ADAMTS14: variants seen among roughly 807,000 people sequenced by gnomAD.
ADAMTS14 encodes the protein ADAM metallopeptidase with thrombospondin type 1 motif 14, also known as A disintegrin and metalloproteinase with thrombospondin motifs 14.
ADAMTS14 carries 100 observed loss-of-function variants against 128.6 expected under a neutral mutation model. That is an observed-to-expected ratio of 0.78 (90% CI 0.66 to 0.92). The LOEUF (loss-of-function observed/expected upper bound fraction) is 0.92, where lower values mean the gene tolerates loss of function less well. Ranked by LOEUF, ADAMTS14 falls within the 40% of genes least tolerant of loss-of-function variation. The pLI, the probability that ADAMTS14 is intolerant of heterozygous loss-of-function variation, is 0.00. For synonymous variants in ADAMTS14, 665 were observed against 653.8 expected (o/e 1.02, Z -0.26); for missense variants, 1,562 against 1,658.6 (o/e 0.94, Z 1.01).
chr10:70,687,975 CGA>C (rs1486858384), intron 2 of ADAMTS14, among the ~76,000 whole-genome samples: 3 of 48,416 alleles, frequency 6.2e-5, no homozygotes, highest in Admixed American at 2.4e-4. Flanking sequence ...ACCCCCCCCC[CGA>C]CCTCCCTCCC....
intron 2 of ADAMTS14, among the ~76,000 whole-genome samples, chr10:70,689,538 G>T (rs1375986576): frequency 6.9e-6 from 1 of 145,356 alleles, no homozygotes; most frequent in Non-Finnish European, 1.6e-5. Context: ...TACAGAACGG[G>T]TCCTGTGTGG....
At chr10:70,714,324 T>C (rs1405061689) in intron 4 of ADAMTS14, among the ~76,000 whole-genome samples, 1 of 152,218 alleles carries the variant, frequency 6.6e-6, no homozygotes, top group South Asian at 2.1e-4. Context: ...GAGGTCTGAG[T>C]AGCCTCAATG....
At chr10:70,721,997 A>G (rs925910989) in intron 4 of ADAMTS14, among the ~76,000 whole-genome samples, 1 of 152,210 alleles carries the variant, frequency 6.6e-6, no homozygotes, top group African/African-American at 2.4e-5. Context: ...GACAACACCC[A>G]GGATTCACAT....
Position 70,761,035 on chromosome 10 carries a change from G to A in ADAMTS14, c.*182G>A, listed in dbSNP as rs2132768040. ...CAAAGCGGGGTGGGAGGAAGACAAAGATCAGGGAAAGCCCTAATCGGAGAT... is the reference window on the plus strand; with the variant it reads ...CAAAGCGGGGTGGGAGGAAGACAAAAATCAGGGAAAGCCCTAATCGGAGAT... On this transcript the variant is annotated 3_prime_UTR_variant, in exon 22 of 22. Transcript: ENST00000373207. 2 of 960,910 alleles carry A rather than the reference G, an allele frequency of 2.1e-6. No individual in the cohort carries two copies. Among genetic ancestry groups the A allele is most frequent in the Admixed American group, 6.3e-5 (2 of 31,712 alleles). 59.5% of individuals were successfully genotyped at this position (960,910 alleles called of 1,614,324 possible).
chr10:70,699,962 T>C (rs575181438), intron 2 of ADAMTS14, among the ~76,000 whole-genome samples: 1 of 152,144 alleles, frequency 6.6e-6, no homozygotes, highest in African/African-American at 2.4e-5. Context: ...CTCTGACTCA[T>C]GCTGTCTCCT....
chr10:70,760,516 C>A lies in ADAMTS14; in HGVS notation c.3335C>A (p.Pro1112His), dbSNP rs954192458. 7 of 1,613,816 alleles carry A rather than the reference C, an allele frequency of 4.3e-6. No individual in the cohort carries two copies. The highest frequency in any genetic ancestry group is 5.9e-6 in the Non-Finnish European group (7 of 1,179,926). The change falls in exon 22 of 22, where the codon CCC (proline) becomes CAC (histidine). Residue 1112 changes from proline (P) to histidine (H), a missense_variant. Coordinates refer to ENST00000373207, the MANE Select transcript of ADAMTS14 (RefSeq NM_080722.4). Reference protein sequence around the residue: ...PGPDPGPTSLPPFSTPGSPLP... With the variant: ...PGPDPGPTSLHPFSTPGSPLP... The stretch of plus-strand genomic sequence containing the variant: ...CCAGACCCTGGCCCAACCTCACTGC[C>A]CCCCTTCTCCACTCCTGGAAGCCCC...
chr10:70,749,634 TGTGC>T (rs1564556934), intron 15 of ADAMTS14, among the ~76,000 whole-genome samples, 184 bp from the exon 16 acceptor site: 1 of 126,424 alleles, frequency 7.9e-6, no homozygotes. Context: ...TGTGTGTGTG[TGTGC>T]GCGCACGTGG....
chr10:70,745,910 T>C (rs1003069576), intron 15 of ADAMTS14, among the ~76,000 whole-genome samples: 1 of 152,188 alleles, frequency 6.6e-6, no homozygotes, highest in Non-Finnish European at 1.5e-5. Context: ...GGCTGTGTCC[T>C]CAACAGGCTA....
chr10:70,760,512 C>T lies in ADAMTS14; in HGVS notation c.3331C>T (p.Leu1111=), dbSNP rs747934046. 1 of 1,613,918 alleles carries T rather than the reference C, an allele frequency of 6.2e-7. No homozygotes were observed. The highest frequency in any genetic ancestry group is 2.2e-5 in the East Asian group (1 of 44,884). The change falls in exon 22 of 22, where the codon CTG becomes TTG. Residue 1111 remains leucine, a synonymous_variant. Coordinates refer to ENST00000373207, the MANE Select transcript of ADAMTS14 (RefSeq NM_080722.4). ...NPGPDPGPTS[L]PPFSTPGSPL... Reference sequence around the variant, plus strand: ...TGGCCCAGACCCTGGCCCAACCTCACTGCCCCCCTTCTCCACTCCTGGAAG... The same window carrying T: ...TGGCCCAGACCCTGGCCCAACCTCATTGCCCCCCTTCTCCACTCCTGGAAG...
Position 70,761,114 on chromosome 10 carries a change from T to G in ADAMTS14, c.*261T>G. ...GACCCTCTCAGGGCCCCTGTTGGTC[T>G]CCCCTGCCAAGACCAGGGTCAACTA... is the stretch of plus-strand genomic sequence containing the variant. On this transcript the variant is annotated 3_prime_UTR_variant, in exon 22 of 22. Coordinates refer to ENST00000373207, the MANE Select transcript of ADAMTS14 (RefSeq NM_080722.4). 1 of 437,574 alleles carries G rather than the reference T, an allele frequency of 2.3e-6. No individual in the cohort carries two copies. Among genetic ancestry groups the G allele is most frequent in the Non-Finnish European group, 4.0e-6 (1 of 251,852 alleles). The allele number at this position is 437,574 out of a possible 1,614,324, so 27.1% of individuals were successfully genotyped here.
chr10:70,753,410 T>A (rs1273357867), intron 18 of ADAMTS14, among the ~76,000 whole-genome samples: 3 of 152,210 alleles, frequency 2.0e-5, no homozygotes, highest in Non-Finnish European at 2.9e-5. Flanking sequence ...TTGATCTGTT[T>A]TGTGCCCTGA....
intron 2 of ADAMTS14, among the ~76,000 whole-genome samples, chr10:70,686,234 C>G (rs1839946153): frequency 6.9e-6 from 1 of 145,050 alleles, no homozygotes; most frequent in South Asian, 2.1e-4. Context: ...AATGCAAACT[C>G]TGTTCCCAAC....
chr10:70,752,272 G>T (rs752831828), intron 18 of ADAMTS14, 45 bp downstream of exon 18: 2 of 1,603,176 alleles, frequency 1.2e-6, no homozygotes, highest in Admixed American at 1.7e-5. Context: ...TCTATGCCTA[G>T]CCCGGGCCCC....
chr10:70,753,540 G>A (rs1024349565), intron 18 of ADAMTS14, among the ~76,000 whole-genome samples: 1 of 152,210 alleles, frequency 6.6e-6, no homozygotes, highest in African/African-American at 2.4e-5. Flanking sequence ...TAGCTTGCTC[G>A]AGGACATGCA....
chr10:70,695,908 A>G, intron 2 of ADAMTS14, among the ~76,000 whole-genome samples: 1 of 152,216 alleles, frequency 6.6e-6, no homozygotes, highest in East Asian at 1.9e-4. Context: ...TGAGACCAGG[A>G]CAAAGAAGTG....
chr10:70,708,653 C>T lies in ADAMTS14; in HGVS notation c.745C>T (p.Arg249Trp), dbSNP rs138991568. Residue 249 changes from arginine to tryptophan, a missense_variant, in exon 4 of 22, where the codon CGG (arginine) becomes TGG (tryptophan). Coordinates refer to ENST00000373207, the MANE Select transcript of ADAMTS14 (RefSeq NM_080722.4). ...GGGGGACCAGCTGGGCGACACAGAG[C>T]GGAAGCGGCGGCATGCCAAGCCAGG... ...LVGDQLGDTE[R>W]KRRHAKPGSY... The T allele has an allele frequency of 3.0e-5, 49 of 1,613,582 alleles. No homozygotes were observed. Among genetic ancestry groups the T allele is most frequent in the East Asian group, 8.9e-5 (4 of 44,852 alleles).
intron 2 of ADAMTS14, among the ~76,000 whole-genome samples, chr10:70,686,095 G>C (rs1839943294): frequency 6.6e-6 from 1 of 152,120 alleles, no homozygotes; most frequent in African/African-American, 2.4e-5. Context: ...ACTTGTCATG[G>C]AACATTGAAA....
At chr10:70,759,405 T>C (rs955340048) in intron 21 of ADAMTS14, among the ~76,000 whole-genome samples, 13 of 152,298 alleles carry the variant, frequency 8.5e-5, no homozygotes, top group Admixed American at 5.9e-4. Context: ...AGCTCCTGCC[T>C]TCACATTCTG....
intron 3 of ADAMTS14, among the ~76,000 whole-genome samples, chr10:70,703,689 G>A (rs539512925): frequency 3.7e-4 from 57 of 152,352 alleles, no homozygotes; most frequent in African/African-American, 1.3e-3. Context: ...AGGAAGAGAC[G>A]TTGGGGAAGT....
Sources: allele counts gnomAD v4.1 joint callset (sites outside exome capture counted in the v4.1 genomes callset), GRCh38; gene constraint gnomAD v4.1.1; transcripts MANE v1.5; gene names NCBI Gene and HGNC (gene_info 2026-07-23, HGNC 2026-07-21).